WWOX: variants seen among roughly 807,000 people sequenced by gnomAD.
WWOX encodes the protein WW domain-containing oxidoreductase.
Under a neutral mutation model 46.2 loss-of-function variants are expected in WWOX, and 69 were observed. The ratio of observed to expected loss-of-function variants is 1.49; its 90% confidence interval spans 1.23 to 1.82. The LOEUF (loss-of-function observed/expected upper bound fraction) is 1.82, where lower values mean the gene tolerates loss of function less well. Ranked by LOEUF, WWOX falls within the 40% of genes most tolerant of loss-of-function variation. WWOX has a pLI of 0.00. For missense variants in WWOX, 919 were observed against 542.6 expected, an observed-to-expected ratio of 1.69 and a Z score of -6.89; for synonymous variants, 359 against 202.6, an observed-to-expected ratio of 1.77 and a Z score of -6.56.
At chr16:78,644,881 G>C (rs1330917686) in intron 8 of WWOX, among the ~76,000 whole-genome samples, 1 of 152,150 alleles carries the variant, frequency 6.6e-6, no homozygotes, top group African/African-American at 2.4e-5. Flanking sequence ...TAGAAAATCG[G>C]GACGGCATGT....
intron 5 of WWOX, among the ~76,000 whole-genome samples, chr16:78,183,515 A>T (rs976021387): frequency 2.6e-5 from 4 of 152,170 alleles, no homozygotes; most frequent in African/African-American, 9.6e-5. Flanking sequence ...TGTGGATCTC[A>T]GACAAGGTGT....
intron 8 of WWOX, among the ~76,000 whole-genome samples, chr16:78,583,060 C>T (rs566976055): frequency 6.6e-6 from 1 of 152,368 alleles, no homozygotes; most frequent in Non-Finnish European, 1.5e-5. Flanking sequence ...TTTCTCCATT[C>T]CCTTCTCCGA....
chr16:78,765,540 G>A (rs2049906677), intron 8 of WWOX, among the ~76,000 whole-genome samples: 1 of 152,090 alleles, frequency 6.6e-6, no homozygotes, highest in Non-Finnish European at 1.5e-5. Context: ...TTAGCCAGGT[G>A]TGATAGCGGG....
rs75132714 is a variant in WWOX, at chr16:78,212,421, G to T, written c.516+48132G>T. On this transcript the variant is annotated intron_variant, in intron 5 of 8. Transcript: ENST00000566780. Reference sequence around the variant, plus strand: ...CCTAAAGCATCCAGGCCCCAGGAATGGTGGTGATTTGCCAGGGGGAAATGG... The same window carrying T: ...CCTAAAGCATCCAGGCCCCAGGAATTGTGGTGATTTGCCAGGGGGAAATGG... 5.7e-3 allele frequency among the ~76,000 whole-genome samples: 865 copies of T among 152,304 alleles called. 8 individuals are homozygous for T. Among genetic ancestry groups the T allele is most frequent in the African/African-American group, 0.02 (823 of 41,564 alleles).
chr16:78,944,755 C>T (rs1567666418), intron 8 of WWOX, among the ~76,000 whole-genome samples: 1 of 152,164 alleles, frequency 6.6e-6, no homozygotes, highest in Admixed American at 6.5e-5. Context: ...GACACTGATC[C>T]TTAGCCCATC....
chr16:78,664,661 A>C lies in WWOX; in HGVS notation c.1056+231909A>C, dbSNP rs996097913. 6.6e-5 allele frequency among the ~76,000 whole-genome samples: 10 copies of C among 152,312 alleles called. No homozygotes were observed. The South Asian group carries it at 2.1e-3, about 32-fold the overall frequency. ...CCGGTGTATCCGTATCAGTGTGTCT[A>C]GGAAGACCAAGCATGCCGAACGGCC... On this transcript the variant is annotated intron_variant, in intron 8 of 8. Coordinates refer to ENST00000566780, the MANE Select transcript of WWOX (RefSeq NM_016373.4).
At chr16:78,859,220 T>A (rs932251858) in intron 8 of WWOX, among the ~76,000 whole-genome samples, 1 of 151,486 alleles carries the variant, frequency 6.6e-6, no homozygotes, top group African/African-American at 2.4e-5. Context: ...TTCAACTGAT[T>A]TCAACTTTGT....
chr16:78,925,892 C>G (rs2045486016), intron 8 of WWOX, among the ~76,000 whole-genome samples: 1 of 152,124 alleles, frequency 6.6e-6, no homozygotes, highest in South Asian at 2.1e-4. Context: ...CCACCCTTGC[C>G]TCCCTTCAGA....
chr16:78,709,378 G>A (rs1306661851), intron 8 of WWOX, among the ~76,000 whole-genome samples: 1 of 152,190 alleles, frequency 6.6e-6, no homozygotes, highest in Admixed American at 6.5e-5. Flanking sequence ...CGCGATTCTC[G>A]GCCATTCCGG....
chr16:78,687,996 G>C (rs1244026933), intron 8 of WWOX, among the ~76,000 whole-genome samples: 1 of 152,098 alleles, frequency 6.6e-6, no homozygotes, highest in South Asian at 2.1e-4. Flanking sequence ...TACTTGGTTT[G>C]CTGCCAATTG....
intron 8 of WWOX, among the ~76,000 whole-genome samples, chr16:78,990,079 G>C (rs530739815): frequency 6.6e-6 from 1 of 151,660 alleles, no homozygotes; most frequent in Non-Finnish European, 1.5e-5. Context: ...AGCTACTCGG[G>C]AGGCTGAAGT....
At chr16:78,863,336 G>A (rs1247678574) in intron 8 of WWOX, among the ~76,000 whole-genome samples, 2 of 152,132 alleles carry the variant, frequency 1.3e-5, no homozygotes, top group East Asian at 1.9e-4. Context: ...CTTTTTCAGA[G>A]TCATCTCAAA....
chr16:78,166,411 T>A lies in WWOX; in HGVS notation c.516+2122T>A, dbSNP rs1050495218. Reference sequence around the variant, plus strand: ...ATCATCTGATATTGGGCCTAAACTATGCTGCTGTGAGCATTCTTTATTTAC... The same window carrying A: ...ATCATCTGATATTGGGCCTAAACTAAGCTGCTGTGAGCATTCTTTATTTAC... On this transcript the variant is annotated intron_variant, in intron 5 of 8. Transcript: ENST00000566780. Among the ~76,000 whole-genome samples, 298 of 152,358 alleles carry A rather than the reference T, an allele frequency of 2.0e-3. 1 individual carries two copies. Among genetic ancestry groups the A allele is most frequent in the African/African-American group, 6.7e-3 (278 of 41,602 alleles).
chr16:78,945,628 T>C (rs1334627516), intron 8 of WWOX, among the ~76,000 whole-genome samples: 2 of 148,202 alleles, frequency 1.3e-5, no homozygotes, highest in Non-Finnish European at 1.5e-5. Flanking sequence ...ATCTGACTAC[T>C]GGTTTTATTT....
intron 8 of WWOX, among the ~76,000 whole-genome samples, chr16:78,605,559 GT>G (rs957725522): frequency 3.3e-5 from 5 of 151,902 alleles, no homozygotes; most frequent in African/African-American, 1.2e-4. Flanking sequence ...TATGCCCAGA[GT>G]TTAAAAAAAA....
At chr16:78,462,555 A>C (rs977266913) in intron 8 of WWOX, among the ~76,000 whole-genome samples, 1 of 152,208 alleles carries the variant, frequency 6.6e-6, no homozygotes. Flanking sequence ...CAGTGTCTGC[A>C]AATGACAGCC....
intron 8 of WWOX, among the ~76,000 whole-genome samples, chr16:78,687,924 T>A (rs1293127048): frequency 6.6e-6 from 1 of 152,128 alleles, no homozygotes; most frequent in African/African-American, 2.4e-5. Context: ...TTGCTAATTG[T>A]GCTAGAAATG....
intron 8 of WWOX, among the ~76,000 whole-genome samples, chr16:78,978,359 G>C (rs2151330729): frequency 6.6e-6 from 1 of 152,308 alleles, no homozygotes. Context: ...ATACCTAGGA[G>C]TGGAAGTGCT....
chr16:78,431,614 G>C (rs748284515), intron 7 of WWOX, among the ~76,000 whole-genome samples: 1 of 151,666 alleles, frequency 6.6e-6, no homozygotes, highest in Non-Finnish European at 1.5e-5. Flanking sequence ...TTAGAGGGTG[G>C]GGAGAGAGTT....
Sources: gnomAD v4.1 joint callset for allele counts (sites outside exome capture counted in the v4.1 genomes callset) on GRCh38, gnomAD v4.1.1 for gene constraint, MANE v1.5 for transcripts, NCBI Gene and HGNC (gene_info 2026-07-23, HGNC 2026-07-21) for gene names.